PLD5: variants seen among roughly 807,000 people sequenced by gnomAD.
PLD5 encodes phospholipase D family member 5.
In PLD5, 36 loss-of-function variants were observed where a neutral mutation model predicts 61.1. That is an observed-to-expected ratio of 0.59 (90% CI 0.45 to 0.78). The LOEUF (loss-of-function observed/expected upper bound fraction) is 0.78. Among genes scored for constraint, PLD5 ranks in the 30% least tolerant of loss-of-function variants. The pLI, the probability that PLD5 is intolerant of heterozygous loss-of-function variation, is 0.00. For synonymous variants in PLD5, 243 were observed against 242.8 expected (o/e 1.00, Z -0.01); for missense variants, 515 against 644.4 (o/e 0.80, Z 2.17).
chr1:242,434,574 G>A (rs1048171111), intron 1 of PLD5, among the ~76,000 whole-genome samples: 1 of 152,104 alleles, frequency 6.6e-6, no homozygotes, highest in Non-Finnish European at 1.5e-5. Flanking sequence ...ATTGTCATAT[G>A]TTATCTATGG....
At position 242,086,962 on chromosome 1, in the gene PLD5, A is replaced by T. The variant is rs927916579; in HGVS notation, c.*2892T>A. 3.9e-5 allele frequency: 6 copies of T among 151,938 alleles called. No homozygotes were observed. Among genetic ancestry groups the T allele is most frequent in the African/African-American group, 1.2e-4 (5 of 41,438 alleles). The allele number at this position is 151,938 out of a possible 1,614,324, so 9.4% of individuals were successfully genotyped here. A position where few individuals can be genotyped will look rare whatever the true frequency, so the allele number is the denominator to read the frequency against. ...TTGTTTTGCATTCTTTCCCTCCTGGAAAGTAATTCCTGGGATATTTAGGGG... is the reference window on the plus strand; with the variant it reads ...TTGTTTTGCATTCTTTCCCTCCTGGTAAGTAATTCCTGGGATATTTAGGGG... On this transcript the variant is annotated 3_prime_UTR_variant, in exon 10 of 10. Transcript: ENST00000536534.
At chr1:242,425,639 CTTTTT>C (rs35709516) in intron 1 of PLD5, among the ~76,000 whole-genome samples, 24 of 129,898 alleles carry the variant, frequency 1.8e-4, no homozygotes, top group African/African-American at 6.7e-4. Flanking sequence ...CTTACTGTAA[CTTTTT>C]TTTTTTTTTT....
At chr1:242,477,257 GA>G (rs200674150) in intron 1 of PLD5, among the ~76,000 whole-genome samples, 6 of 148,018 alleles carry the variant, frequency 4.1e-5, no homozygotes, top group Admixed American at 1.3e-4. Context: ...ACTCAAAAAA[GA>G]AAAAAAAAAT....
intron 2 of PLD5, among the ~76,000 whole-genome samples, chr1:242,294,225 T>C (rs572312002): frequency 3.9e-5 from 6 of 152,374 alleles, no homozygotes; most frequent in African/African-American, 1.4e-4. Context: ...TTCTTGATAG[T>C]TTAAGGTAAA....
Position 242,250,191 on chromosome 1 carries a change from C to T in PLD5, c.607+15146G>A, listed in dbSNP as rs144118535. Among the ~76,000 whole-genome samples, 16 of 152,344 alleles carry T rather than the reference C, an allele frequency of 1.1e-4. No homozygotes were observed. In the East Asian group the frequency reaches 2.9e-3, roughly 28 times the overall value. On this transcript the variant is annotated intron_variant, in intron 4 of 9. Transcript: ENST00000536534. ...ACTCAGTGTTATAAAAATCAAGGCT[C>T]AACCTGAAATCTGGGAAATTTGAAG...
chr1:242,342,199 C>A (rs545427183), intron 2 of PLD5, among the ~76,000 whole-genome samples: 1 of 152,146 alleles, frequency 6.6e-6, no homozygotes, highest in African/African-American at 2.4e-5. Context: ...GGAATAGCAA[C>A]AAAAGTCCCT....
chr1:242,280,067 C>T (rs1033561352), intron 3 of PLD5, among the ~76,000 whole-genome samples: 1 of 151,674 alleles, frequency 6.6e-6, no homozygotes, highest in Non-Finnish European at 1.5e-5. Flanking sequence ...TATTGTTTTA[C>T]AAATATTATC....
chr1:242,499,894 C>T (rs760827252), intron 1 of PLD5, among the ~76,000 whole-genome samples: 9 of 152,158 alleles, frequency 5.9e-5, no homozygotes, highest in African/African-American at 2.2e-4. Context: ...CAGGAATCAT[C>T]TACAGGCCTT....
At chr1:242,196,080 G>T (rs993137239) in intron 5 of PLD5, among the ~76,000 whole-genome samples, 2 of 152,154 alleles carry the variant, frequency 1.3e-5, no homozygotes, top group African/African-American at 4.8e-5. Flanking sequence ...TATTTTTGTC[G>T]ATATTGGTTT....
At chr1:242,181,987 T>G (rs2013655) in intron 5 of PLD5, among the ~76,000 whole-genome samples, 12,261 of 152,246 alleles carry the variant, frequency 0.081, 587 homozygotes, top group Middle Eastern at 0.15. Context: ...AACTTTTAAA[T>G]TTAGCATCCC....
At chr1:242,159,026 TAA>T (rs1224119926) in intron 5 of PLD5, among the ~76,000 whole-genome samples, 3 of 152,238 alleles carry the variant, frequency 2.0e-5, no homozygotes, top group African/African-American at 7.2e-5. Context: ...TATTGTAGTT[TAA>T]GTTTCTTGGA....
intron 1 of PLD5, among the ~76,000 whole-genome samples, chr1:242,518,831 G>C (rs1256828547): frequency 1.3e-5 from 2 of 152,142 alleles, no homozygotes; most frequent in Non-Finnish European, 2.9e-5. Context: ...TTCTTCAAAA[G>C]ACACTGCAAT....
intron 4 of PLD5, among the ~76,000 whole-genome samples, chr1:242,238,806 G>A (rs1397807416): frequency 6.6e-6 from 1 of 152,166 alleles, no homozygotes; most frequent in Non-Finnish European, 1.5e-5. Context: ...AGAGCCTTTG[G>A]ATGACTCTGG....
chr1:242,412,593 G>A (rs1315616346), intron 1 of PLD5, among the ~76,000 whole-genome samples: 4 of 152,064 alleles, frequency 2.6e-5, no homozygotes, highest in African/African-American at 4.8e-5. Flanking sequence ...TTGGGGATTC[G>A]CTTTTTTCTC....
intron 1 of PLD5, among the ~76,000 whole-genome samples, chr1:242,401,093 T>C (rs72763101): frequency 0.019 from 2,884 of 152,248 alleles, 53 homozygotes; most frequent in African/African-American, 0.039. Context: ...AATTCTGTTC[T>C]TCCTCCCATT....
intron 5 of PLD5, among the ~76,000 whole-genome samples, chr1:242,183,337 C>A (rs983294602): frequency 1.3e-5 from 2 of 152,126 alleles, no homozygotes; most frequent in Non-Finnish European, 2.9e-5. Flanking sequence ...AGTGGGCTGT[C>A]TCTCAACTGG....
rs1240653239 is a variant in PLD5, at chr1:242,127,474, TAAAAAGGAATG to T, written c.736-2820_736-2810del. 2.0e-5 allele frequency among the ~76,000 whole-genome samples: 3 copies of T among 152,078 alleles called. No individual in the cohort carries two copies. In the East Asian group the frequency reaches 5.8e-4, roughly 29 times the overall value. ...CATATGTTGGAATACTACTCAGCCA[TAAAAAGGAATG>T]AATTAATGGCATTCACAGCAACCTG... On this transcript the variant is annotated intron_variant, in intron 5 of 9. Transcript: ENST00000536534.
upstream of PLD5, among the ~76,000 whole-genome samples, chr1:242,525,669 A>G (rs1669429082): frequency 6.6e-6 from 1 of 152,190 alleles, no homozygotes; most frequent in Non-Finnish European, 1.5e-5. Context: ...CTGGAGAGGT[A>G]TACAGGGGAT....
intron 1 of PLD5, among the ~76,000 whole-genome samples, chr1:242,469,442 C>A (rs980628774): frequency 2.6e-5 from 4 of 152,122 alleles, no homozygotes; most frequent in African/African-American, 7.2e-5. Context: ...ATTTATTGGT[C>A]TCTGGATTCT....
Sources: allele counts gnomAD v4.1 joint callset (sites outside exome capture counted in the v4.1 genomes callset), GRCh38; gene constraint gnomAD v4.1.1; transcripts MANE v1.5; gene names NCBI Gene and HGNC (gene_info 2026-07-23, HGNC 2026-07-21).